The following SPSB4 variants were observed in gnomAD, a reference collection of about 807,000 sequenced individuals.
SPSB4 encodes the protein SPRY domain-containing SOCS box protein 4.
Under a neutral mutation model 20.9 loss-of-function variants are expected in SPSB4, and 21 were observed. That is an observed-to-expected ratio of 1.01 (90% CI 0.71 to 1.45). The LOEUF (loss-of-function observed/expected upper bound fraction) is 1.45, where lower values mean the gene tolerates loss of function less well. Among genes scored for constraint, SPSB4 ranks in the 40% most tolerant of loss-of-function variants. SPSB4 has a pLI of 0.00. For synonymous variants in SPSB4, 207 were observed against 183.8 expected (o/e 1.13, Z -1.02); for missense variants, 399 against 399.2 (o/e 1.00, Z 0.00).
At chr3:141,139,666 C>T (rs541015230) in intron 2 of SPSB4, among the ~76,000 whole-genome samples, 3 of 152,346 alleles carry the variant, frequency 2.0e-5, no homozygotes, top group East Asian at 3.9e-4. Context: ...TATTGGCCCC[C>T]ACTCTCTTCT....
intron 2 of SPSB4, among the ~76,000 whole-genome samples, chr3:141,087,860 T>G (rs1211498514): frequency 1.3e-5 from 2 of 151,902 alleles, no homozygotes; most frequent in African/African-American, 2.4e-5. Context: ...GTGGTAGGGG[T>G]GGGGAGTGGT....
chr3:141,057,834 C>T (rs947981701), intron 1 of SPSB4, among the ~76,000 whole-genome samples: 1 of 152,200 alleles, frequency 6.6e-6, no homozygotes, highest in Non-Finnish European at 1.5e-5. Flanking sequence ...AAGTAATATG[C>T]AGTCTATAAA....
At chr3:141,093,347 G>A (rs6780365) in intron 2 of SPSB4, among the ~76,000 whole-genome samples, 2 of 151,542 alleles carry the variant, frequency 1.3e-5, no homozygotes, top group African/African-American at 4.9e-5. Context: ...ATCTTCCCAG[G>A]AAATCTGCAG....
intron 2 of SPSB4, among the ~76,000 whole-genome samples, chr3:141,110,504 C>T (rs1938779376): frequency 6.6e-6 from 1 of 152,198 alleles, no homozygotes; most frequent in South Asian, 2.1e-4. Context: ...GTCAGGATAG[C>T]CCAGGTTTTG....
intron 2 of SPSB4, among the ~76,000 whole-genome samples, chr3:141,071,367 A>G (rs1425897643): frequency 6.6e-6 from 1 of 152,114 alleles, no homozygotes; most frequent in African/African-American, 2.4e-5. Context: ...AGAGGGGAGT[A>G]TCAGACAGAG....
chr3:141,101,161 C>T (rs575835260), intron 2 of SPSB4, among the ~76,000 whole-genome samples: 13 of 152,234 alleles, frequency 8.5e-5, no homozygotes, highest in South Asian at 6.2e-4. Context: ...AGGAGCCCCC[C>T]GAGGAGAATG....
intron 1 of SPSB4, among the ~76,000 whole-genome samples, chr3:141,061,709 T>C (rs1016981545): frequency 6.7e-6 from 1 of 148,938 alleles, no homozygotes; most frequent in Non-Finnish European, 1.5e-5. Flanking sequence ...TTCTTCTCTT[T>C]CTTTCTTTTT....
At chr3:141,110,764 G>C (rs1236145244) in intron 2 of SPSB4, among the ~76,000 whole-genome samples, 1 of 152,202 alleles carries the variant, frequency 6.6e-6, no homozygotes, top group Non-Finnish European at 1.5e-5. Flanking sequence ...CATTTCCTTA[G>C]CAAGTCTTAT....
At chr3:141,132,483 A>C (rs1939151537) in intron 2 of SPSB4, among the ~76,000 whole-genome samples, 1 of 152,120 alleles carries the variant, frequency 6.6e-6, no homozygotes, top group South Asian at 2.1e-4. Flanking sequence ...CGTTCTTATG[A>C]CTTTGCATCC....
rs1937730306 is a variant in SPSB4 at position 141,059,970 on chromosome 3, G to A, written c.-153-5982G>A. Among the ~76,000 whole-genome samples the A allele has an allele frequency of 2.0e-5, 3 of 152,224 alleles. No homozygotes were observed. In the South Asian group the frequency reaches 6.2e-4, roughly 32 times the overall value. On this transcript the variant is annotated intron_variant, in intron 1 of 2. Transcript: ENST00000310546. ...GTGGGGATTCACATCTAGGTCTCCT[G>A]TCCTTCATTAGATTGCCCAGCTGCT...
rs535175887 is a variant in SPSB4 at position 141,113,921 on chromosome 3, C to A, written c.695-33221C>A. 3.3e-5 allele frequency among the ~76,000 whole-genome samples: 5 copies of A among 152,238 alleles called. No homozygotes were observed. In the East Asian group the frequency reaches 9.6e-4, roughly 29 times the overall value. On this transcript the variant is annotated intron_variant, in intron 2 of 2. Transcript: ENST00000310546. ...GACCAGCCTGGTCAACATGGGGAAA[C>A]CCCATCTCTACAAAAAATTAGCCAG...
chr3:141,084,973 G>GA (rs1938313635), intron 2 of SPSB4, among the ~76,000 whole-genome samples: 1 of 152,228 alleles, frequency 6.6e-6, no homozygotes, highest in Non-Finnish European at 1.5e-5. Context: ...AATTGAGCAG[G>GA]AAGGCCAGGG....
At chr3:141,132,083 G>T in intron 2 of SPSB4, 1 of 222,680 alleles carries the variant, frequency 4.5e-6, no homozygotes, top group Non-Finnish European at 9.3e-6. Context: ...GGTGATTTAT[G>T]AAATTTTGAT....
intron 2 of SPSB4, among the ~76,000 whole-genome samples, chr3:141,111,426 T>C (rs1241264719): frequency 7.8e-6 from 1 of 128,106 alleles, no homozygotes; most frequent in African/African-American, 2.9e-5. Flanking sequence ...GGGGTCATCA[T>C]AAGGATTAAG....
chr3:141,142,994 T>C (rs1257795380), intron 2 of SPSB4, among the ~76,000 whole-genome samples: 1 of 151,754 alleles, frequency 6.6e-6, no homozygotes, highest in Non-Finnish European at 1.5e-5. Context: ...TTTTTTGTGT[T>C]TTTAGTAGAA....
At chr3:141,060,196 T>A (rs1430738253) in intron 1 of SPSB4, among the ~76,000 whole-genome samples, 4 of 152,152 alleles carry the variant, frequency 2.6e-5, no homozygotes. Context: ...GGGCCCTCAA[T>A]GACCCAGTAT....
intron 2 of SPSB4, among the ~76,000 whole-genome samples, chr3:141,086,642 T>C (rs529816460): frequency 6.6e-6 from 1 of 152,342 alleles, no homozygotes; most frequent in East Asian, 1.9e-4. Flanking sequence ...AGTTTCTTTA[T>C]TTGAAACAAG....
At chr3:141,068,285 AT>A (rs1231543456) in intron 2 of SPSB4, among the ~76,000 whole-genome samples, 1 of 152,100 alleles carries the variant, frequency 6.6e-6, no homozygotes, top group East Asian at 1.9e-4. Flanking sequence ...ATGTTGTTCC[AT>A]TTTCTCTGTT....
chr3:141,080,573 C>T (rs1010226933), intron 2 of SPSB4, among the ~76,000 whole-genome samples: 2 of 152,242 alleles, frequency 1.3e-5, no homozygotes, highest in East Asian at 3.8e-4. Flanking sequence ...ACATTCTTGG[C>T]TGGACCCTGG....
Sources: gnomAD v4.1 joint callset for allele counts (sites outside exome capture counted in the v4.1 genomes callset) on GRCh38, gnomAD v4.1.1 for gene constraint, MANE v1.5 for transcripts, NCBI Gene and HGNC (gene_info 2026-07-23, HGNC 2026-07-21) for gene names.